The following AAK1 variants were observed in gnomAD, a reference collection of about 807,000 sequenced individuals.
AAK1 encodes AP2 associated kinase 1.
A neutral mutation model predicts 116.0 loss-of-function variants in AAK1; 37 were observed. The observed-to-expected ratio is 0.32, with a 90% CI of 0.25 to 0.42. The LOEUF (loss-of-function observed/expected upper bound fraction) is 0.42, where lower values mean the gene tolerates loss of function less well. Among genes scored for constraint, AAK1 ranks in the 10% least tolerant of loss-of-function variants. AAK1 has a pLI of 1.00. For missense variants in AAK1, 919 were observed against 1,170.6 expected, an observed-to-expected ratio of 0.79 and a Z score of 3.14; for synonymous variants, 458 against 439.9, an observed-to-expected ratio of 1.04 and a Z score of -0.51.
In AAK1 at chr2:69,467,699, G is replaced by A; in HGVS notation, c.*8170C>T. ...CCATACTGACCCTCTCCCCTCCTAT[G>A]CAAACCATTAGCTAGCAGAAATTTC... On this transcript the variant is annotated 3_prime_UTR_variant, in exon 22 of 22. Coordinates refer to ENST00000409085, the MANE Select transcript of AAK1 (RefSeq NM_014911.5). 1.0e-6 allele frequency: 1 copy of A among 985,296 alleles called. No individual in the cohort carries two copies. Among genetic ancestry groups the A allele is most frequent in the South Asian group, 4.7e-5 (1 of 21,286 alleles). The allele number at this position is 985,296 out of a possible 1,614,324, so 61.0% of individuals were successfully genotyped here. A position where few individuals can be genotyped will look rare whatever the true frequency, so the allele number is the denominator to read the frequency against.
intron 2 of AAK1, among the ~76,000 whole-genome samples, chr2:69,611,697 A>C (rs1196520333): frequency 2.6e-5 from 4 of 152,184 alleles, no homozygotes; most frequent in Admixed American, 6.6e-5. Context: ...ACGTATACCC[A>C]TGTTCACAGC....
rs1674721797 is a variant in AAK1, at chr2:69,472,710, T to C, written c.*3159A>G. ...GCTATAGTTACTCCTCTTACATAGC[T>C]GGAATAAAAGCAAATCAGAAACATA... On this transcript the variant is annotated 3_prime_UTR_variant, in exon 22 of 22. Coordinates refer to ENST00000409085, the MANE Select transcript of AAK1 (RefSeq NM_014911.5). The C allele has an allele frequency of 1.0e-6, 1 of 985,350 alleles. No homozygotes were observed. 61.0% of individuals were successfully genotyped at this position (985,350 alleles called of 1,614,324 possible).
chr2:69,527,865 C>T (rs1431992868), intron 8 of AAK1, among the ~76,000 whole-genome samples: 2 of 152,164 alleles, frequency 1.3e-5, no homozygotes, highest in Non-Finnish European at 2.9e-5. Flanking sequence ...TAAGCTTCTG[C>T]CTCCCTGAGG....
chr2:69,490,299 A>C (rs1412450106), intron 17 of AAK1, among the ~76,000 whole-genome samples: 5 of 152,224 alleles, frequency 3.3e-5, no homozygotes, highest in Non-Finnish European at 7.3e-5. Context: ...CAGCAATTCC[A>C]TTTCTGGGTA....
At chr2:69,517,685 T>C (rs977205038) in intron 12 of AAK1, among the ~76,000 whole-genome samples, 1 of 148,800 alleles carries the variant, frequency 6.7e-6, no homozygotes, top group Non-Finnish European at 1.5e-5. Flanking sequence ...ACACATCAAA[T>C]GACACCATAG....
intron 2 of AAK1, among the ~76,000 whole-genome samples, chr2:69,630,697 GC>G (rs984496387): frequency 4.6e-5 from 7 of 152,176 alleles, no homozygotes; most frequent in African/African-American, 1.7e-4. Flanking sequence ...CAATTCTCAT[GC>G]TTTTAAACCA....
At chr2:69,589,634 G>A (rs569600625) in intron 2 of AAK1, among the ~76,000 whole-genome samples, 9 of 151,482 alleles carry the variant, frequency 5.9e-5, no homozygotes, top group Non-Finnish European at 1.0e-4. Context: ...TCTTGAACCC[G>A]GGAGGCGGAG....
intron 16 of AAK1, among the ~76,000 whole-genome samples, chr2:69,496,294 C>T (rs1158377423): frequency 2.9e-5 from 4 of 137,484 alleles, no homozygotes; most frequent in Non-Finnish European, 4.5e-5. Context: ...TTTTTTGAGA[C>T]GAAGTCTCAC....
At chr2:69,535,057 T>A (rs1338874463) in intron 5 of AAK1, among the ~76,000 whole-genome samples, 1 of 152,226 alleles carries the variant, frequency 6.6e-6, no homozygotes, top group Non-Finnish European at 1.5e-5. Context: ...TTATTCAGCA[T>A]CATTCAGCAA....
chr2:69,542,373 T>C (rs2105052124), intron 5 of AAK1, 150 bp downstream of exon 5: 1 of 999,752 alleles, frequency 1.0e-6, no homozygotes, highest in Non-Finnish European at 1.4e-6. Context: ...ACTTTTTCCT[T>C]TGTTATTTTC....
chr2:69,493,160 A>AAAAAAAAAAAAAAAAAAAAAAAAAC (rs1675606699), intron 17 of AAK1, among the ~76,000 whole-genome samples: 1 of 137,434 alleles, frequency 7.3e-6, no homozygotes, highest in Non-Finnish European at 1.6e-5. Context: ...CTCCGTCTCA[A>AAAAAAAAAAAAAAAAAAAAAAAAAC]AAAAAAAAAA....
Position 69,474,192 on chromosome 2 carries a change from C to T in AAK1, c.*1677G>A, listed in dbSNP as rs1020873171. ...CTGTTGTTGCTGTTAAACTTTTTTC[C>T]CCCATAAAGTGCAAATGTGAGGAAG... is the stretch of plus-strand genomic sequence containing the variant. On this transcript the variant is annotated 3_prime_UTR_variant, in exon 22 of 22. Coordinates refer to ENST00000409085, the MANE Select transcript of AAK1 (RefSeq NM_014911.5). 7.1e-6 allele frequency: 7 copies of T among 985,634 alleles called. No individual in the cohort carries two copies. The African/African-American group carries it at 1.2e-4, about 17-fold the overall frequency. The allele number at this position is 985,634 out of a possible 1,614,324, so 61.1% of individuals were successfully genotyped here.
intron 2 of AAK1, among the ~76,000 whole-genome samples, chr2:69,602,774 G>A (rs1047332306): frequency 6.6e-6 from 1 of 151,730 alleles, no homozygotes; most frequent in African/African-American, 2.4e-5. Flanking sequence ...TCCAATCATT[G>A]TGCCTCACAT....
rs775958702 is a variant in AAK1, at chr2:69,530,697, C to A, written c.666G>T (p.Thr222=). 1.2e-6 allele frequency: 2 copies of A among 1,611,936 alleles called. No homozygotes were observed. Among genetic ancestry groups the A allele is most frequent in the Non-Finnish European group, 8.5e-7 (1 of 1,178,144 alleles). The part of the protein sequence containing the change: ...AVEDEIKKYT[T]LSYRAPEMVN... ...CCATTTCTGGTGCTCGATAGGACAG[C>A]GTTGTGTATCTACAATCAAGAGATT... The change falls in exon 7 of 22, where the codon ACG becomes ACT. Residue 222 remains threonine, a synonymous_variant. Coordinates refer to ENST00000409085, the MANE Select transcript of AAK1 (RefSeq NM_014911.5).
At chr2:69,542,704 C>T in intron 4 of AAK1, 39 bp from the exon 5 acceptor site, 3 of 1,601,774 alleles carry the variant, frequency 1.9e-6, no homozygotes, top group Non-Finnish European at 2.6e-6. Flanking sequence ...ACGTTATAAA[C>T]ATTCGGACTT....
intron 2 of AAK1, among the ~76,000 whole-genome samples, chr2:69,581,780 C>G (rs893362156): frequency 1.3e-5 from 2 of 151,936 alleles, no homozygotes; most frequent in South Asian, 4.1e-4. Context: ...AATTTGAGAC[C>G]GGCCTGGGCA....
chr2:69,625,545 T>C (rs1368575272), intron 2 of AAK1, among the ~76,000 whole-genome samples: 1 of 152,156 alleles, frequency 6.6e-6, no homozygotes, highest in Non-Finnish European at 1.5e-5. Flanking sequence ...ATTTTACACA[T>C]AGGGAGCCTG....
chr2:69,629,405 C>T (rs538336306), intron 2 of AAK1, among the ~76,000 whole-genome samples: 3 of 152,176 alleles, frequency 2.0e-5, no homozygotes, highest in African/African-American at 7.2e-5. Flanking sequence ...CTTTATATAG[C>T]TAAGATACAC....
chr2:69,539,702 G>A (rs990186541), intron 5 of AAK1, among the ~76,000 whole-genome samples: 2 of 152,182 alleles, frequency 1.3e-5, no homozygotes, highest in Non-Finnish European at 2.9e-5. Flanking sequence ...ACACACTGGA[G>A]CTCTGACCCA....
Sources: gnomAD v4.1 joint callset for allele counts (sites outside exome capture counted in the v4.1 genomes callset) on GRCh38, gnomAD v4.1.1 for gene constraint, MANE v1.5 for transcripts, NCBI Gene and HGNC (gene_info 2026-07-23, HGNC 2026-07-21) for gene names.